The following ANKFN1 variants were observed in gnomAD, a reference collection of about 807,000 sequenced individuals.
ANKFN1 encodes the protein ankyrin repeat and fibronectin type-III domain-containing protein 1.
In ANKFN1, 74 loss-of-function variants were observed where a neutral mutation model predicts 108.7. The ratio of observed to expected loss-of-function variants is 0.68; its 90% CI spans 0.56 to 0.83. The LOEUF (loss-of-function observed/expected upper bound fraction) is 0.83. Ranked by LOEUF, ANKFN1 falls within the 40% of genes least tolerant of loss-of-function variation. The pLI is 0.00. For missense variants in ANKFN1, 1,505 were observed against 1,382.3 expected, an observed-to-expected ratio of 1.09 and a Z score of -1.41; for synonymous variants, 547 against 516.2, an observed-to-expected ratio of 1.06 and a Z score of -0.81.
chr17:56,093,034 A>G (rs1483821847), intron 4 of ANKFN1, among the ~76,000 whole-genome samples: 1 of 151,214 alleles, frequency 6.6e-6, no homozygotes. Context: ...ATTCATAATC[A>G]AACAAATTAA....
chr17:56,078,425 G>C (rs1379597470), intron 4 of ANKFN1, among the ~76,000 whole-genome samples: 1 of 152,110 alleles, frequency 6.6e-6, no homozygotes, highest in African/African-American at 2.4e-5. Context: ...AAAAAAATGG[G>C]GGAGCTCATG....
At chr17:56,100,676 A>G (rs1309397766) in intron 4 of ANKFN1, among the ~76,000 whole-genome samples, 1 of 152,218 alleles carries the variant, frequency 6.6e-6, no homozygotes, top group Non-Finnish European at 1.5e-5. Context: ...ACAGAGACTT[A>G]GTAGTCTTCA....
At chr17:56,262,877 A>G (rs2043553806) in intron 3 of ANKFN1, among the ~76,000 whole-genome samples, 1 of 152,188 alleles carries the variant, frequency 6.6e-6, no homozygotes, top group South Asian at 2.1e-4. Context: ...ACTACGGAAG[A>G]AAGAAGACTT....
At chr17:56,103,134 T>G (rs1453497021) in intron 4 of ANKFN1, among the ~76,000 whole-genome samples, 2 of 152,178 alleles carry the variant, frequency 1.3e-5, no homozygotes, top group Non-Finnish European at 2.9e-5. Context: ...CTGACTGCAG[T>G]CGCCTTTGAA....
intron 15 of ANKFN1, among the ~76,000 whole-genome samples, chr17:56,467,544 A>G (rs1215297747): frequency 1.3e-5 from 2 of 151,574 alleles, no homozygotes; most frequent in Non-Finnish European, 2.9e-5. Flanking sequence ...GCCAGTTGTG[A>G]TGGCAGCCAC....
At chr17:56,457,229 A>G (rs746944656) in intron 12 of ANKFN1, 28 bp from the exon 13 acceptor site, 34 of 1,535,002 alleles carry the variant, frequency 2.2e-5, no homozygotes, top group Non-Finnish European at 2.6e-5. Flanking sequence ...GTTGAGGACA[A>G]TGCTTTTATT....
At chr17:56,425,104 C>T (rs550164567) in intron 8 of ANKFN1, among the ~76,000 whole-genome samples, 1 of 149,160 alleles carries the variant, frequency 6.7e-6, no homozygotes, top group Admixed American at 6.7e-5. Context: ...TTTAAGTATA[C>T]ACTGTTGCTA....
rs558682471 is a variant in ANKFN1, at chr17:56,065,250, G to A, written c.288+18925G>A. Among the ~76,000 whole-genome samples, 9 of 152,284 alleles carry A rather than the reference G, an allele frequency of 5.9e-5. No individual in the cohort carries two copies. The South Asian group carries it at 1.9e-3, about 32-fold the overall frequency. ...CACCTCTCTCAGCCTTCACAGAATT[G>A]AAGAGAGTTAGGGCCTTGCTCTAGA... On this transcript the variant is annotated intron_variant, in intron 4 of 12. Transcript: ENST00000635860.
intron 3 of ANKFN1, among the ~76,000 whole-genome samples, chr17:56,306,681 T>C (rs1239030347): frequency 6.6e-6 from 1 of 152,122 alleles, no homozygotes; most frequent in Non-Finnish European, 1.5e-5. Context: ...CAATGCCATC[T>C]CCACCAAGCT....
At chr17:56,284,235 T>A (rs2044159818) in intron 3 of ANKFN1, among the ~76,000 whole-genome samples, 1 of 152,300 alleles carries the variant, frequency 6.6e-6, no homozygotes, top group Non-Finnish European at 1.5e-5. Context: ...ATACTCAAAT[T>A]TCCTCTGGGA....
At chr17:56,241,641 A>G (rs1319478086) in intron 3 of ANKFN1, among the ~76,000 whole-genome samples, 2 of 151,988 alleles carry the variant, frequency 1.3e-5, no homozygotes, top group African/African-American at 4.8e-5. Context: ...AAGTACCAAA[A>G]CCCATACTAT....
chr17:56,315,642 G>T (rs994486028), intron 3 of ANKFN1, among the ~76,000 whole-genome samples: 1 of 152,190 alleles, frequency 6.6e-6, no homozygotes, highest in Non-Finnish European at 1.5e-5. Flanking sequence ...GCAGAAGAAT[G>T]ACATTGAGTA....
At chr17:56,391,173 A>G (rs187930358) in intron 8 of ANKFN1, among the ~76,000 whole-genome samples, 3 of 146,728 alleles carry the variant, frequency 2.0e-5, no homozygotes, top group Admixed American at 2.0e-4. Flanking sequence ...TCTAAGACCA[A>G]TCAAATCTGA....
At chr17:56,270,289 T>C (rs2043759788) in intron 3 of ANKFN1, among the ~76,000 whole-genome samples, 1 of 152,158 alleles carries the variant, frequency 6.6e-6, no homozygotes, top group Admixed American at 6.5e-5. Context: ...ACAGGGCAGC[T>C]TGCCCATGAC....
At chr17:56,292,727 G>A (rs1361307574) in intron 3 of ANKFN1, among the ~76,000 whole-genome samples, 1 of 151,934 alleles carries the variant, frequency 6.6e-6, no homozygotes, top group Non-Finnish European at 1.5e-5. Flanking sequence ...TTGATTTAGG[G>A]GGAAAAAAAA....
chr17:56,110,261 C>T (rs757701767), intron 4 of ANKFN1, among the ~76,000 whole-genome samples: 9 of 152,254 alleles, frequency 5.9e-5, no homozygotes, highest in Non-Finnish European at 1.2e-4. Flanking sequence ...AGCTCAGGGT[C>T]TTTTATTTCT....
At chr17:56,288,514 C>A (rs1225775178) in intron 3 of ANKFN1, among the ~76,000 whole-genome samples, 2 of 151,934 alleles carry the variant, frequency 1.3e-5, no homozygotes, top group African/African-American at 4.8e-5. Flanking sequence ...ATTATTCTTA[C>A]AATCAGAAAA....
chr17:56,215,585 T>A (rs1198872659), intron 2 of ANKFN1, among the ~76,000 whole-genome samples: 1 of 151,798 alleles, frequency 6.6e-6, no homozygotes, highest in African/African-American at 2.4e-5. Flanking sequence ...CAAGCATAGG[T>A]TTTTCACTTG....
At chr17:56,162,735 T>C (rs1909777379) in intron 1 of ANKFN1, among the ~76,000 whole-genome samples, 1 of 152,134 alleles carries the variant, frequency 6.6e-6, no homozygotes, top group Non-Finnish European at 1.5e-5. Context: ...ATAACACTTT[T>C]AGTAAAAATG....
Sources: gnomAD v4.1 joint callset for allele counts (sites outside exome capture counted in the v4.1 genomes callset) on GRCh38, gnomAD v4.1.1 for gene constraint, MANE v1.5 for transcripts, NCBI Gene and HGNC (gene_info 2026-07-23, HGNC 2026-07-21) for gene names.